The following SORCS1 variants were observed in gnomAD, a reference collection of about 807,000 sequenced individuals.
The protein encoded by SORCS1 is sortilin related VPS10 domain containing receptor 1, also known as VPS10 domain-containing receptor SorCS1.
SORCS1 carries 60 observed loss-of-function variants against 146.1 expected under a neutral mutation model. The observed-to-expected ratio is 0.41, with a 90% CI of 0.33 to 0.51. The LOEUF (loss-of-function observed/expected upper bound fraction) is 0.51, where lower values mean the gene tolerates loss of function less well. Ranked by LOEUF, SORCS1 falls within the 20% of genes least tolerant of loss-of-function variation. SORCS1 has a pLI of 0.21. For missense variants in SORCS1, 1,352 were observed against 1,487.6 expected (o/e 0.91, Z 1.50); for synonymous variants, 637 against 584.0 (o/e 1.09, Z -1.31).
At chr10:106,625,488 A>G (rs1426096726) in intron 19 of SORCS1, among the ~76,000 whole-genome samples, 1 of 152,136 alleles carries the variant, frequency 6.6e-6, no homozygotes. Context: ...CAGGAATCCT[A>G]ATTCAGTGGG....
chr10:106,594,810 G>A (rs1219307173), intron 24 of SORCS1, among the ~76,000 whole-genome samples: 1 of 152,192 alleles, frequency 6.6e-6, no homozygotes, highest in African/African-American at 2.4e-5. Flanking sequence ...CTTCAGTATG[G>A]AATATCCGGC....
At chr10:106,636,142 C>A (rs549520605) in intron 18 of SORCS1, among the ~76,000 whole-genome samples, 1 of 152,092 alleles carries the variant, frequency 6.6e-6, no homozygotes, top group East Asian at 1.9e-4. Context: ...TGACTATAGT[C>A]TCAGCACTTC....
intron 6 of SORCS1, 121 bp downstream of exon 6, chr10:106,729,929 C>G: frequency 8.1e-7 from 1 of 1,232,794 alleles, no homozygotes; most frequent in Non-Finnish European, 1.2e-6. Context: ...CCCAAATCCT[C>G]AGAAACCACA....
chr10:106,863,548 C>T (rs1427536425), intron 2 of SORCS1, among the ~76,000 whole-genome samples: 1 of 149,150 alleles, frequency 6.7e-6, no homozygotes, highest in Non-Finnish European at 1.5e-5. Context: ...AAAGTGCTTA[C>T]AGAGAATGCA....
chr10:107,120,129 A>G (rs1293938115), intron 1 of SORCS1, among the ~76,000 whole-genome samples: 3 of 152,136 alleles, frequency 2.0e-5, no homozygotes, highest in African/African-American at 7.2e-5. Context: ...ATTAGACTTT[A>G]AATTGGTTTT....
intron 10 of SORCS1, among the ~76,000 whole-genome samples, chr10:106,681,912 G>T (rs1425783752): frequency 1.3e-5 from 2 of 152,128 alleles, no homozygotes; most frequent in African/African-American, 4.8e-5. Context: ...TGGATCACTT[G>T]AGGTCAGGAG....
intron 1 of SORCS1, among the ~76,000 whole-genome samples, chr10:107,070,636 T>C (rs1962337216): frequency 6.6e-6 from 1 of 152,236 alleles, no homozygotes; most frequent in Admixed American, 6.5e-5. Context: ...TTTTATTCTT[T>C]AAATCCATTC....
At chr10:106,902,050 A>T (rs536244445) in intron 2 of SORCS1, among the ~76,000 whole-genome samples, 3 of 152,270 alleles carry the variant, frequency 2.0e-5, no homozygotes, top group South Asian at 4.2e-4. Context: ...TCTCAAAAAA[A>T]AAAAAATTAG....
chr10:106,580,247 C>T (rs988586752), intron 24 of SORCS1, among the ~76,000 whole-genome samples: 1 of 152,164 alleles, frequency 6.6e-6, no homozygotes, highest in Non-Finnish European at 1.5e-5. Context: ...TGGCTGTCTC[C>T]ACAATCTCCC....
rs1491495992 is a variant in SORCS1 at position 106,779,545 on chromosome 10, A to ATT, written c.727-2854_727-2853insAA. On this transcript the variant is annotated intron_variant, in intron 3 of 25. Coordinates refer to ENST00000263054, the MANE Select transcript of SORCS1 (RefSeq NM_052918.5). ...TCTTTTAAGTTTGACATTATGGCCC[A>ATT]TATTTTTTTTTTTTTTTTTTTTGAG... Among the ~76,000 whole-genome samples, 13 of 116,734 alleles carry ATT rather than the reference A, an allele frequency of 1.1e-4. 1 individual carries two copies. Among genetic ancestry groups the ATT allele is most frequent in the Non-Finnish European group, 1.1e-4 (6 of 53,920 alleles). The allele number at this position is 116,734 out of a possible 152,430, so 76.6% of individuals were successfully genotyped here. A position where few individuals can be genotyped will look rare whatever the true frequency, so the allele number is the denominator to read the frequency against.
In SORCS1 at chr10:106,667,899, T is replaced by C. The variant is rs183871265; in HGVS notation, c.2190-97A>G. ...ACAGCCAAGTTCCACACTAATCAAT[T>C]AGTCATAACAAACAAAAATAAAAAC... On this transcript the variant is annotated intron_variant, in intron 16 of 25. Transcript: ENST00000263054. 242 of 652,812 alleles carry C rather than the reference T, an allele frequency of 3.7e-4. No homozygotes were observed. The African/African-American group carries it at 4.3e-3, about 12-fold the overall frequency. 40.4% of individuals were successfully genotyped at this position (652,812 alleles called of 1,614,324 possible).
At chr10:106,836,209 T>C (rs1352054139) in intron 2 of SORCS1, among the ~76,000 whole-genome samples, 1 of 151,316 alleles carries the variant, frequency 6.6e-6, no homozygotes, top group Non-Finnish European at 1.5e-5. Context: ...GCGCAGTGGC[T>C]CACGCCTGTA....
At chr10:106,851,961 T>C (rs1949594376) in intron 2 of SORCS1, among the ~76,000 whole-genome samples, 2 of 152,228 alleles carry the variant, frequency 1.3e-5, no homozygotes, top group Non-Finnish European at 2.9e-5. Flanking sequence ...TATGCTAATG[T>C]AAATGGTAAT....
intron 12 of SORCS1, among the ~76,000 whole-genome samples, chr10:106,678,901 T>C (rs1852231643): frequency 6.6e-6 from 1 of 152,180 alleles, no homozygotes; most frequent in African/African-American, 2.4e-5. Context: ...GCATTAGATA[T>C]GTAATCTACC....
intron 1 of SORCS1, among the ~76,000 whole-genome samples, chr10:107,073,935 G>T (rs139350424): frequency 1.4e-4 from 22 of 152,118 alleles, no homozygotes; most frequent in Middle Eastern, 3.4e-3. Flanking sequence ...AAGGTACAGA[G>T]ATTTCCCATA....
At chr10:106,883,026 T>C (rs900032179) in intron 2 of SORCS1, among the ~76,000 whole-genome samples, 5 of 152,204 alleles carry the variant, frequency 3.3e-5, no homozygotes, top group Non-Finnish European at 5.9e-5. Flanking sequence ...ATTGCAGAAA[T>C]GATTGTTGAA....
chr10:106,821,365 A>G (rs1948014085), intron 3 of SORCS1, among the ~76,000 whole-genome samples: 1 of 152,228 alleles, frequency 6.6e-6, no homozygotes, highest in South Asian at 2.1e-4. Context: ...GGACCTATCT[A>G]TTACCTTTCT....
At chr10:106,768,863 A>G (rs529948356) in intron 4 of SORCS1, among the ~76,000 whole-genome samples, 22 of 152,294 alleles carry the variant, frequency 1.4e-4, no homozygotes, top group African/African-American at 5.3e-4. Context: ...CTCTGTGTTC[A>G]TATTTTGCAT....
At chr10:106,969,435 T>TA (rs1231110914) in intron 1 of SORCS1, among the ~76,000 whole-genome samples, 1 of 152,168 alleles carries the variant, frequency 6.6e-6, no homozygotes, top group Non-Finnish European at 1.5e-5. Flanking sequence ...ATTTGCTGAT[T>TA]TTGTCCCTGA....
Sources: gnomAD v4.1 joint callset for allele counts (sites outside exome capture counted in the v4.1 genomes callset) on GRCh38, gnomAD v4.1.1 for gene constraint, MANE v1.5 for transcripts, NCBI Gene and HGNC (gene_info 2026-07-23, HGNC 2026-07-21) for gene names.